CPLANE1: variants seen among roughly 807,000 people sequenced by gnomAD.
CPLANE1 encodes the protein ciliogenesis and planar polarity effector 1.
CPLANE1 carries 263 observed loss-of-function variants against 362.5 expected under a neutral mutation model. That is an observed-to-expected ratio of 0.73 (90% CI 0.66 to 0.80). The LOEUF (loss-of-function observed/expected upper bound fraction) is 0.80, where lower values mean the gene tolerates loss of function less well. CPLANE1 is among the 30% of genes least tolerant of loss of function. CPLANE1 has a pLI of 0.00. For synonymous variants in CPLANE1, 1,212 were observed against 1,302.6 expected, an observed-to-expected ratio of 0.93 and a Z score of 1.50; for missense variants, 3,461 against 3,793.4, an observed-to-expected ratio of 0.91 and a Z score of 2.30.
chr5:37,229,710 A>G (rs2150496462), intron 9 of CPLANE1, among the ~76,000 whole-genome samples: 1 of 152,294 alleles, frequency 6.6e-6, no homozygotes, highest in African/African-American at 2.4e-5. Context: ...ATCAATAACA[A>G]CAAATATTTA....
chr5:37,090,614 A>G, the CPLANE1 span, among the ~76,000 whole-genome samples: 2 of 152,150 alleles, frequency 1.3e-5, no homozygotes, highest in African/African-American at 4.8e-5. Context: ...TCACTCCCCC[A>G]TACCTAATGC....
chr5:37,085,827 TG>T, the CPLANE1 span: 2 of 1,372,422 alleles, frequency 1.5e-6, no homozygotes, highest in South Asian at 1.2e-5. Context: ...GACAAAAGAC[TG>T]GGGGCCAAAC....
Position 37,227,047 on chromosome 5 carries a change from T to A in CPLANE1, c.1548A>T (p.Glu516Asp). 1 of 1,546,576 alleles carries A rather than the reference T, an allele frequency of 6.5e-7. No individual in the cohort carries two copies. The highest frequency in any genetic ancestry group is 8.7e-7 in the Non-Finnish European group (1 of 1,145,036). ...FQDFEAEETN[E>D]GRHFPDNLCP... Reference sequence around the variant, plus strand: ...ATAAGTTGTCTGGAAAGTGTCTGCCTTCGTTAGTTTCTTCTGCTTCAAAAT... The same window carrying A: ...ATAAGTTGTCTGGAAAGTGTCTGCCATCGTTAGTTTCTTCTGCTTCAAAAT... The change falls in exon 12 of 53, where the codon GAA (glutamate) becomes GAT (aspartate). Residue 516 changes from glutamate to aspartate, a missense_variant. By Grantham distance (45) the Glu-to-Asp change is conservative. Coordinates refer to ENST00000651892, the MANE Select transcript of CPLANE1 (RefSeq NM_001384732.1).
intron 28 of CPLANE1, among the ~76,000 whole-genome samples, chr5:37,179,665 C>T (rs1482208620): frequency 6.6e-6 from 1 of 152,102 alleles, no homozygotes; most frequent in African/African-American, 2.4e-5. Context: ...TGTTTAACTC[C>T]ACGTAGTGCT....
At chr5:37,126,706 G>T (rs1764218714) in intron 46 of CPLANE1, among the ~76,000 whole-genome samples, 1 of 152,174 alleles carries the variant, frequency 6.6e-6, no homozygotes, top group Non-Finnish European at 1.5e-5. Context: ...GTGCAAAATG[G>T]GGATTTGGGG....
chr5:37,184,722 A>G, intron 25 of CPLANE1, 66 bp downstream of exon 25: 1 of 1,429,976 alleles, frequency 7.0e-7, no homozygotes, highest in Non-Finnish European at 9.5e-7. Context: ...AAATCAGCTC[A>G]TCAGATGCCT....
intron 23 of CPLANE1, among the ~76,000 whole-genome samples, chr5:37,186,654 TTC>T (rs1394633608): frequency 3.9e-5 from 6 of 152,178 alleles, no homozygotes; most frequent in Non-Finnish European, 8.8e-5. Context: ...TACGTATACA[TTC>T]TGTGCTGATT....
At chr5:37,145,406 T>A (rs907383943) in intron 43 of CPLANE1, among the ~76,000 whole-genome samples, 2 of 152,200 alleles carry the variant, frequency 1.3e-5, no homozygotes, top group African/African-American at 4.8e-5. Flanking sequence ...GGTAGATATA[T>A]TCACCTTAAT....
chr5:37,076,904 G>C, the CPLANE1 span, among the ~76,000 whole-genome samples: 3 of 150,012 alleles, frequency 2.0e-5, no homozygotes, highest in Admixed American at 6.7e-5. Context: ...TGAGTGTGTA[G>C]GTGAAGCTCC....
intron 20 of CPLANE1, 30 bp from the exon 21 acceptor site, chr5:37,196,026 A>T: frequency 1.3e-6 from 2 of 1,568,426 alleles, no homozygotes; most frequent in South Asian, 2.4e-5. Context: ...GAACATGTTA[A>T]TTATCAGCTG....
intron 32 of CPLANE1, among the ~76,000 whole-genome samples, chr5:37,171,782 C>CTCTA (rs1356896118): frequency 0.022 from 3,104 of 144,154 alleles, 46 homozygotes; most frequent in Middle Eastern, 0.08. Flanking sequence ...CTCTCTCTCT[C>CTCTA]TCTATCTATC....
At chr5:37,217,638 T>A (rs773153072) in intron 15 of CPLANE1, among the ~76,000 whole-genome samples, 74 of 146,108 alleles carry the variant, frequency 5.1e-4, no homozygotes, top group Non-Finnish European at 9.4e-4. Flanking sequence ...AATAAATAAA[T>A]AAAAATAAAG....
chr5:37,212,541 AT>A (rs1792919668), intron 16 of CPLANE1, among the ~76,000 whole-genome samples: 1 of 152,142 alleles, frequency 6.6e-6, no homozygotes, highest in African/African-American at 2.4e-5. Context: ...CGTATTATCA[AT>A]TTCATGTGGT....
chr5:37,195,658 ATT>A (rs1561564615), intron 21 of CPLANE1, among the ~76,000 whole-genome samples, 198 bp downstream of exon 21: 1 of 150,118 alleles, frequency 6.7e-6, no homozygotes, highest in African/African-American at 2.4e-5. Flanking sequence ...AGGTATCACA[ATT>A]TGTTTATATA....
chr5:37,199,152 A>C (rs1278497508), intron 19 of CPLANE1, among the ~76,000 whole-genome samples: 2 of 151,930 alleles, frequency 1.3e-5, no homozygotes, highest in Non-Finnish European at 2.9e-5. Context: ...TGCTTCTCAA[A>C]CTAGGATGTT....
chr5:37,134,754 T>C (rs1185506527), intron 46 of CPLANE1, among the ~76,000 whole-genome samples: 4 of 152,038 alleles, frequency 2.6e-5, no homozygotes, highest in Non-Finnish European at 5.9e-5. Context: ...GAAATCATTC[T>C]AACTTTTTGA....
intron 32 of CPLANE1, among the ~76,000 whole-genome samples, chr5:37,173,460 G>A (rs926434396): frequency 6.6e-6 from 1 of 151,902 alleles, no homozygotes; most frequent in Non-Finnish European, 1.5e-5. Flanking sequence ...TTTTTTCCTA[G>A]TAGAATTTTT....
chr5:37,096,984 T>C, the CPLANE1 span, among the ~76,000 whole-genome samples: 24 of 152,086 alleles, frequency 1.6e-4, no homozygotes, highest in Admixed American at 4.6e-4. Context: ...ACAGCCACTA[T>C]GGAAAACAAT....
chr5:37,226,430 T>C lies in CPLANE1; in HGVS notation c.2165A>G (p.Gln722Arg). ...ASADGSKITA[Q>R]DSLVVPIFQM... is the part of the protein sequence containing the mutation. ...AAAAATAGGTACCACCAATGAGTCT[T>C]GAGCTGTTATTTTACTTCCATCAGC... Residue 722 changes from glutamine to arginine, a missense_variant, in exon 12 of 53, where the codon CAA becomes CGA. By Grantham distance (43) the Gln-to-Arg change is conservative. Transcript: ENST00000651892. The C allele has an allele frequency of 6.4e-7, 1 of 1,551,352 alleles. No homozygotes were observed. The highest frequency in any genetic ancestry group is 8.7e-7 in the Non-Finnish European group (1 of 1,146,822).
Sources: gnomAD v4.1 joint callset for allele counts (sites outside exome capture counted in the v4.1 genomes callset) on GRCh38, gnomAD v4.1.1 for gene constraint, MANE v1.5 for transcripts, NCBI Gene and HGNC (gene_info 2026-07-23, HGNC 2026-07-21) for gene names.